UBE3D: variants seen among roughly 807,000 people sequenced by gnomAD.
The protein encoded by UBE3D is ubiquitin protein ligase E3D.
A neutral mutation model predicts 49.6 loss-of-function variants in UBE3D; 48 were observed. The ratio of observed to expected loss-of-function variants is 0.97; its 90% CI spans 0.77 to 1.23. The LOEUF is 1.23. UBE3D is among the 50% of genes most tolerant of loss of function. The pLI is 0.00. For missense variants in UBE3D, 452 were observed against 468.4 expected, an observed-to-expected ratio of 0.96 and a Z score of 0.32; for synonymous variants, 189 against 174.2, an observed-to-expected ratio of 1.08 and a Z score of -0.67.
intron 5 of UBE3D, chr6:83,032,395 T>A: frequency 2.5e-6 from 1 of 399,136 alleles, no homozygotes; most frequent in Non-Finnish European, 5.0e-6. Flanking sequence ...ATGGGGCCTT[T>A]AGCCCCTTTG....
intron 8 of UBE3D, among the ~76,000 whole-genome samples, chr6:83,007,095 A>G (rs1334683224): frequency 1.3e-5 from 2 of 152,178 alleles, no homozygotes; most frequent in Non-Finnish European, 2.9e-5. Context: ...AACATTTTTT[A>G]AACTGTCTAA....
chr6:82,890,070 C>T (rs1354122840), downstream of UBE3D, among the ~76,000 whole-genome samples: 1 of 152,026 alleles, frequency 6.6e-6, no homozygotes, highest in Non-Finnish European at 1.5e-5. Flanking sequence ...AAGAATACTA[C>T]TGAATAGATT....
At chr6:83,056,773 A>T (rs1349595948) in intron 2 of UBE3D, among the ~76,000 whole-genome samples, 1 of 151,976 alleles carries the variant, frequency 6.6e-6, no homozygotes, top group Non-Finnish European at 1.5e-5. Context: ...ACTCCTCCTG[A>T]CCCCATCTCC....
Position 83,038,454 on chromosome 6 carries a change from T to C in UBE3D, c.629A>G (p.Lys210Arg), listed in dbSNP as rs1315365200. The C allele has an allele frequency of 6.2e-7, 1 of 1,611,644 alleles. No individual in the cohort carries two copies. Among genetic ancestry groups the C allele is most frequent in the South Asian group, 1.1e-5 (1 of 90,142 alleles). ...CTCTCCCAACATTACCTTGCAACGC[T>C]TACAAATTACTTTGGTATTTGCCTT... The part of the protein sequence containing the change: ...EPKANTKVIC[K>R]RCKVMLGETV... Residue 210 changes from lysine (K) to arginine (R), a missense_variant, in exon 5 of 10, where the codon AAG (lysine) becomes AGG (arginine). Lys to Arg is a conservative substitution (Grantham distance 26). Transcript: ENST00000369747.
chr6:82,964,444 G>A (rs888631774), intron 8 of UBE3D, among the ~76,000 whole-genome samples: 23 of 152,146 alleles, frequency 1.5e-4, no homozygotes, highest in African/African-American at 5.6e-4. Context: ...AAAATGGTAT[G>A]TATGAGAGAG....
chr6:83,064,270 C>A (rs1306110165), intron 1 of UBE3D, among the ~76,000 whole-genome samples: 2 of 152,002 alleles, frequency 1.3e-5, no homozygotes, highest in Non-Finnish European at 2.9e-5. Flanking sequence ...TGTTGCCAGG[C>A]TGAACTGCAG....
In UBE3D at chr6:83,025,987, C is replaced by T. The variant is rs1030908219; in HGVS notation, c.668-1949G>A. Among the ~76,000 whole-genome samples the T allele has an allele frequency of 2.7e-5, 4 of 146,784 alleles. No homozygotes were observed. In the East Asian group the frequency reaches 6.0e-4, roughly 22 times the overall value. On this transcript the variant is annotated intron_variant, in intron 5 of 9. Transcript: ENST00000369747. ...AAAAATACTCACTGGTATATGAAAA[C>T]ACTTATCTATAGTGATACTCATAAT...
intron 9 of UBE3D, among the ~76,000 whole-genome samples, chr6:82,894,387 G>C (rs1771157947): frequency 6.6e-6 from 1 of 152,088 alleles, no homozygotes; most frequent in Non-Finnish European, 1.5e-5. Context: ...ACTGGAAAAA[G>C]GGCCAAACCG....
chr6:82,898,835 T>A lies in UBE3D; in HGVS notation c.1150-5793A>T, dbSNP rs12662181. ...AGAACTTAAAGTATAATAAAAAAAA[T>A]TTTTTTTAAAGATATTTCTCTCTCT... On this transcript the variant is annotated intron_variant, in intron 9 of 9. Coordinates refer to ENST00000369747, the MANE Select transcript of UBE3D (RefSeq NM_198920.3). Among the ~76,000 whole-genome samples, 1,418 of 151,996 alleles carry A rather than the reference T, an allele frequency of 9.3e-3. 26 individuals are homozygous for A. The highest frequency in any genetic ancestry group is 0.069 in the East Asian group (358 of 5,164).
At chr6:82,996,506 A>G (rs143959949) in intron 8 of UBE3D, among the ~76,000 whole-genome samples, 26 of 152,312 alleles carry the variant, frequency 1.7e-4, no homozygotes, top group Admixed American at 2.0e-4. Flanking sequence ...CCTCCAGGAG[A>G]TAGAGCTTAT....
At chr6:83,052,304 G>C (rs1287161987) in intron 3 of UBE3D, among the ~76,000 whole-genome samples, 3 of 152,154 alleles carry the variant, frequency 2.0e-5, no homozygotes, top group East Asian at 1.9e-4. Context: ...GGACTACCCT[G>C]TACTGCACTC....
downstream of UBE3D, among the ~76,000 whole-genome samples, chr6:82,888,401 AAAAT>A (rs1770927568): frequency 6.6e-6 from 1 of 151,898 alleles, no homozygotes; most frequent in Admixed American, 6.6e-5. Context: ...CCTTTTTTCT[AAAAT>A]AAGTAATAAA....
intron 8 of UBE3D, among the ~76,000 whole-genome samples, chr6:82,962,674 T>G (rs1014566866): frequency 6.6e-6 from 1 of 152,168 alleles, no homozygotes; most frequent in African/African-American, 2.4e-5. Context: ...TTGAAGCGCA[T>G]AAAGGAAAAG....
chr6:82,898,571 A>C (rs949452494), intron 9 of UBE3D, among the ~76,000 whole-genome samples: 31 of 152,194 alleles, frequency 2.0e-4, no homozygotes, highest in African/African-American at 7.5e-4. Flanking sequence ...GCAAACTAAC[A>C]CAAGAACAGA....
intron 8 of UBE3D, among the ~76,000 whole-genome samples, chr6:82,998,490 T>C (rs1253484016): frequency 2.0e-5 from 3 of 152,202 alleles, no homozygotes; most frequent in Non-Finnish European, 2.9e-5. Context: ...TACATTTCCT[T>C]ACAAAATGGG....
chr6:83,045,459 C>T (rs1170761373), intron 3 of UBE3D, among the ~76,000 whole-genome samples: 1 of 152,040 alleles, frequency 6.6e-6, no homozygotes, highest in African/African-American at 2.4e-5. Context: ...GACTATTTTC[C>T]AGGGTGGTAT....
At chr6:82,940,338 G>A (rs947447149) in intron 9 of UBE3D, among the ~76,000 whole-genome samples, 1 of 152,220 alleles carries the variant, frequency 6.6e-6, no homozygotes, top group African/African-American at 2.4e-5. Context: ...AAATTGCTGA[G>A]GCAATTCTCA....
intron 8 of UBE3D, among the ~76,000 whole-genome samples, chr6:82,961,843 T>A (rs1776574491): frequency 6.6e-6 from 1 of 151,708 alleles, no homozygotes; most frequent in South Asian, 2.1e-4. Context: ...ATGCCTGTAA[T>A]CCCAGCTACT....
chr6:83,042,449 T>C (rs996483081), intron 4 of UBE3D, among the ~76,000 whole-genome samples: 3 of 152,248 alleles, frequency 2.0e-5, no homozygotes, highest in African/African-American at 7.2e-5. Context: ...AAACATATTA[T>C]AGCACATAAA....
Sources: gnomAD v4.1 joint callset for allele counts (sites outside exome capture counted in the v4.1 genomes callset) on GRCh38, gnomAD v4.1.1 for gene constraint, MANE v1.5 for transcripts, NCBI Gene and HGNC (gene_info 2026-07-23, HGNC 2026-07-21) for gene names.